The following NUP214 variants were observed in gnomAD, a reference collection of about 807,000 sequenced individuals.
NUP214 encodes nucleoporin 214, also known as nuclear pore complex protein Nup214.
Under a neutral mutation model 196.2 loss-of-function variants are expected in NUP214, and 79 were observed. That is an observed-to-expected ratio of 0.40 (90% confidence interval 0.34 to 0.49). The LOEUF is 0.49. NUP214 is among the 20% of genes least tolerant of loss of function. The probability of loss-of-function intolerance (pLI) is 0.58; values close to 1 mark genes in which losing one functional copy is unlikely to be tolerated. For missense variants in NUP214, 2,468 were observed against 2,539.0 expected (o/e 0.97, Z 0.60); for synonymous variants, 1,020 against 990.5 (o/e 1.03, Z -0.56).
intron 21 of NUP214, chr9:131,164,401 T>C (rs1408125605): frequency 2.1e-6 from 1 of 468,920 alleles, no homozygotes; most frequent in Non-Finnish European, 3.8e-6. Flanking sequence ...TTACACTGTT[T>C]TCTGCAGTCC....
At chr9:131,218,805 C>T (rs1309874719) in intron 31 of NUP214, among the ~76,000 whole-genome samples, 1 of 152,104 alleles carries the variant, frequency 6.6e-6, no homozygotes, top group Admixed American at 6.5e-5. Flanking sequence ...ATTCAGGGCC[C>T]TCCTTGAGCT....
chr9:131,195,140 G>A (rs1031223974), intron 27 of NUP214, 93 bp from the exon 28 acceptor site: 14 of 861,422 alleles, frequency 1.6e-5, no homozygotes, highest in African/African-American at 1.4e-4. Flanking sequence ...TCCTGAGGGC[G>A]GTTTGTATGA....
rs780578276 is a variant in NUP214, at chr9:131,187,337, C to A, written c.3468C>A (p.Thr1156=). ...CCAAAACACCTCACCCAGTGTTGAC[C>A]CCAGTGGCTGCTAACCAAGCCAAGC... The part of the protein sequence containing the change: ...STAKTPHPVL[T]PVAANQAKQG... Residue 1156 remains threonine (T), a synonymous_variant, in exon 25 of 36, where the codon ACC becomes ACA. Transcript: ENST00000359428. 29 of 1,613,520 alleles carry A rather than the reference C, an allele frequency of 1.8e-5. 1 individual carries two copies. Among genetic ancestry groups the A allele is most frequent in the Middle Eastern group, 1.6e-4 (1 of 6,082 alleles).
At chr9:131,132,982 G>A in intron 6 of NUP214, 124 bp from the exon 7 acceptor site, 1 of 756,276 alleles carries the variant, frequency 1.3e-6, no homozygotes, top group South Asian at 1.6e-5. Flanking sequence ...ATTATATTTA[G>A]TCAATGAAAT....
intron 21 of NUP214, among the ~76,000 whole-genome samples, chr9:131,165,761 T>C (rs1256201678): frequency 6.6e-6 from 1 of 152,262 alleles, no homozygotes; most frequent in African/African-American, 2.4e-5. Context: ...AATGTCTGTC[T>C]ATACAATGGA....
chr9:131,226,948 T>A (rs1351382081), intron 32 of NUP214, among the ~76,000 whole-genome samples: 1 of 152,218 alleles, frequency 6.6e-6, no homozygotes, highest in Non-Finnish European at 1.5e-5. Context: ...CAGATTGACT[T>A]TCTGAAAGGG....
chr9:131,135,035 G>T (rs778807284), intron 8 of NUP214, 31 bp downstream of exon 8: 19 of 1,424,770 alleles, frequency 1.3e-5, no homozygotes, highest in East Asian at 2.3e-5. Context: ...GGGCATTCCT[G>T]CTCTCACTGG....
rs374923935 is a variant in NUP214 at position 131,217,178 on chromosome 9, T to C, written c.5749+1810T>C. ...GCCTGGGCAACACAGCAAGTCCCCATCTCAAAAACCAAACAAACAAAAACC... is the reference window on the plus strand; with the variant it reads ...GCCTGGGCAACACAGCAAGTCCCCACCTCAAAAACCAAACAAACAAAAACC... On this transcript the variant is annotated intron_variant, in intron 31 of 35. Coordinates refer to ENST00000359428, the MANE Select transcript of NUP214 (RefSeq NM_005085.4). Among the ~76,000 whole-genome samples, 33 of 152,254 alleles carry C rather than the reference T, an allele frequency of 2.2e-4. No homozygotes were observed. The East Asian group carries it at 5.0e-3, about 23-fold the overall frequency.
Position 131,128,623 on chromosome 9 carries a change from A to T in NUP214, c.393+140A>T, listed in dbSNP as rs1588119596. 15 of 655,454 alleles carry T rather than the reference A, an allele frequency of 2.3e-5. No individual in the cohort carries two copies. In the East Asian group the frequency reaches 4.4e-4, roughly 19 times the overall value. 40.6% of individuals were successfully genotyped at this position (655,454 alleles called of 1,614,324 possible). Reference sequence around the variant, plus strand: ...AATATGGGTTAAAAAAAAATCCTTAATTATAGAATCATAGATCTTTGAGAC... The same window carrying T: ...AATATGGGTTAAAAAAAAATCCTTATTTATAGAATCATAGATCTTTGAGAC... On this transcript the variant is annotated intron_variant, in intron 3 of 35. Coordinates refer to ENST00000359428, the MANE Select transcript of NUP214 (RefSeq NM_005085.4).
At position 131,146,487 on chromosome 9, in the gene NUP214, AAAT is replaced by A. The variant is rs1832090022; in HGVS notation, c.1945+184_1945+186del. ...TGAATTGGGAGATTTGCTCTTGCTT[AAAT>A]GCTGCCACTCTTCTCTCTGACACTT... On this transcript the variant is annotated intron_variant, in intron 13 of 35. Coordinates refer to ENST00000359428, the MANE Select transcript of NUP214 (RefSeq NM_005085.4). This position sits in a 1 kb window ranked among gnomAD's most constrained non-coding sequence, Gnocchi z 4.6. 6.6e-6 allele frequency among the ~76,000 whole-genome samples: 1 copy of A among 152,206 alleles called. No individual in the cohort carries two copies. Among genetic ancestry groups the A allele is most frequent in the African/African-American group, 2.4e-5 (1 of 41,454 alleles).
intron 22 of NUP214, among the ~76,000 whole-genome samples, chr9:131,174,820 G>GA (rs1318446842): frequency 4.6e-5 from 7 of 152,160 alleles, no homozygotes; most frequent in Non-Finnish European, 7.3e-5. Flanking sequence ...TGTTCCCCTT[G>GA]AAAGCAGTTG....
intron 30 of NUP214, among the ~76,000 whole-genome samples, chr9:131,208,832 T>C: frequency 6.7e-6 from 1 of 149,274 alleles, no homozygotes; most frequent in East Asian, 2.0e-4. Context: ...CTGGCCAACA[T>C]GGTGACACAC....
chr9:131,201,573 A>AC (rs1242059466), intron 29 of NUP214, 74 bp from the exon 30 acceptor site: 62 of 1,312,988 alleles, frequency 4.7e-5, no homozygotes, highest in Non-Finnish European at 5.9e-5. Flanking sequence ...CAAAAAAAAA[A>AC]AACAACAAAA....
rs563133161 is a variant in NUP214 at position 131,227,492 on chromosome 9, A to C, written c.5903-668A>C. 5.3e-5 allele frequency among the ~76,000 whole-genome samples: 8 copies of C among 152,238 alleles called. No homozygotes were observed. The South Asian group carries it at 1.2e-3, about 24-fold the overall frequency. ...AGGAAAAAAGCATTTAAAAAAAAAAAAACAAACCTCCACTGAGCGAGAGAA... is the reference window on the plus strand; with the variant it reads ...AGGAAAAAAGCATTTAAAAAAAAAACAACAAACCTCCACTGAGCGAGAGAA... On this transcript the variant is annotated intron_variant, in intron 32 of 35. Transcript: ENST00000359428.
rs1403191908 is a variant in NUP214 at position 131,151,771 on chromosome 9, T to G, written c.2313T>G (p.Thr771=). The G allele has an allele frequency of 3.7e-6, 6 of 1,612,970 alleles. No homozygotes were observed. Among genetic ancestry groups the G allele is most frequent in the Admixed American group, 1.7e-5 (1 of 59,818 alleles). The change falls in exon 17 of 36, where the codon ACT becomes ACG. Residue 771 remains threonine (T), a synonymous_variant. Coordinates refer to ENST00000359428, the MANE Select transcript of NUP214 (RefSeq NM_005085.4). The part of the protein sequence containing the change: ...LHGDISSLKT[T]LLEGFAGVEE... ...GAGATATAAGTAGCCTGAAAACAAC[T>G]TTACTTGAGGGCTTTGCTGGTGTTG...
chr9:131,230,770 G>T lies in NUP214; in HGVS notation c.6214+1G>T, dbSNP rs1393601833. ...TCTGGTTTTGGATCAGGCACAGGAGGTAAGCTGCCACAAGTTCTCCCCTCA... is the reference window on the plus strand; with the variant it reads ...TCTGGTTTTGGATCAGGCACAGGAGTTAAGCTGCCACAAGTTCTCCCCTCA... On this transcript the variant is annotated splice_donor_variant, in intron 34 of 35. Coordinates refer to ENST00000359428, the MANE Select transcript of NUP214 (RefSeq NM_005085.4). LOFTEE classifies it high-confidence loss of function. The T allele has an allele frequency of 6.2e-7, 1 of 1,612,298 alleles. No individual in the cohort carries two copies. The highest frequency in any genetic ancestry group is 8.5e-7 in the Non-Finnish European group (1 of 1,179,546).
At chr9:131,215,452 A>G in intron 31 of NUP214, 84 bp downstream of exon 31, 1 of 1,300,144 alleles carries the variant, frequency 7.7e-7, no homozygotes, top group Non-Finnish European at 1.0e-6. Context: ...TCAGTGACAA[A>G]TATAAAAAGA....
chr9:131,137,682 T>C (rs1011110564), intron 9 of NUP214, among the ~76,000 whole-genome samples: 2 of 151,876 alleles, frequency 1.3e-5, no homozygotes, highest in Non-Finnish European at 2.9e-5. Context: ...TCCTAGTAGC[T>C]GGGACTGTAG....
intron 7 of NUP214, 31 bp downstream of exon 7, chr9:131,133,240 A>T: frequency 7.5e-7 from 1 of 1,327,988 alleles, no homozygotes; most frequent in Non-Finnish European, 1.0e-6. Context: ...TCATTGTTTG[A>T]GAATTAGAGA....
Sources: allele counts gnomAD v4.1 joint callset (sites outside exome capture counted in the v4.1 genomes callset), GRCh38; gene constraint gnomAD v4.1.1; non-coding constraint Gnocchi (gnomAD v3.1); transcripts MANE v1.5; gene names NCBI Gene and HGNC (gene_info 2026-07-23, HGNC 2026-07-21).